SVIL: variants seen among roughly 807,000 people sequenced by gnomAD.
SVIL encodes the protein archvillin.
A neutral mutation model predicts 240.4 loss-of-function variants in SVIL; 101 were observed. The ratio of observed to expected loss-of-function variants is 0.42; its 90% confidence interval spans 0.36 to 0.50. SVIL has a LOEUF of 0.50. Among genes scored for constraint, SVIL ranks in the 20% least tolerant of loss-of-function variants. The pLI, the probability that SVIL is intolerant of heterozygous loss-of-function variation, is 0.01. For synonymous variants in SVIL, 999 were observed against 1,100.0 expected (o/e 0.91, Z 1.82); for missense variants, 2,512 against 2,818.7 (o/e 0.89, Z 2.46).
intron 6 of SVIL, among the ~76,000 whole-genome samples, chr10:29,547,481 G>A (rs4747667): frequency 0.42 from 63,535 of 151,950 alleles, 13,361 homozygotes; most frequent in East Asian, 0.44. Context: ...AGTGCTGTGA[G>A]GCTAAGGCTT....
chr10:29,576,173 A>G (rs1301668531), intron 1 of SVIL: 1 of 956,528 alleles, frequency 1.0e-6, no homozygotes, highest in Non-Finnish European at 1.2e-6. Flanking sequence ...CCAATGGTAA[A>G]TAAGACCTTT....
At chr10:29,586,981 C>T (rs1956195093) in intron 1 of SVIL, among the ~76,000 whole-genome samples, 1 of 152,196 alleles carries the variant, frequency 6.6e-6, no homozygotes. Context: ...ATCTCTACAA[C>T]AAACCCCCAT....
At chr10:29,686,842 G>A (rs984374417) in intron 1 of SVIL, among the ~76,000 whole-genome samples, 2 of 152,108 alleles carry the variant, frequency 1.3e-5, no homozygotes, top group African/African-American at 2.4e-5. Context: ...ACAATTTCTA[G>A]AATCCTCTAG....
At chr10:29,540,325 A>G (rs932560435) in intron 6 of SVIL, among the ~76,000 whole-genome samples, 57 of 152,264 alleles carry the variant, frequency 3.7e-4, no homozygotes, top group African/African-American at 1.3e-3. Context: ...CTCTGGAGAG[A>G]GAGAGACTTC....
intron 1 of SVIL, among the ~76,000 whole-genome samples, chr10:29,592,870 T>C (rs1228561579): frequency 1.3e-5 from 2 of 152,164 alleles, no homozygotes; most frequent in African/African-American, 4.8e-5. Flanking sequence ...TAATGTTCTA[T>C]CTCATTCTTT....
At position 29,463,520 on chromosome 10, in the gene SVIL, C is replaced by T. The variant is rs907938520; in HGVS notation, c.6249G>A (p.Ala2083=). 8.7e-6 allele frequency: 14 copies of T among 1,613,962 alleles called. No individual in the cohort carries two copies. The African/African-American group carries it at 1.2e-4, about 14-fold the overall frequency. The part of the protein sequence containing the change: ...RIRWASDRKS[A]METVLQYCKG... ...TGCAGTACTGGAGCACAGTCTCCAT[C>T]GCACTCTTCCGGTCGGAGGCCCAGC... Residue 2083 remains alanine (A), a synonymous_variant, in exon 35 of 38, where the codon GCG becomes GCA. Coordinates refer to ENST00000355867, the MANE Select transcript of SVIL (RefSeq NM_021738.3).
intron 1 of SVIL, among the ~76,000 whole-genome samples, chr10:29,714,694 T>A (rs1963509051): frequency 6.6e-6 from 1 of 151,940 alleles, no homozygotes; most frequent in Admixed American, 6.6e-5. Flanking sequence ...GCGTGGTGAC[T>A]CATGCCTGTA....
At chr10:29,582,090 TAG>T (rs943805671) in intron 1 of SVIL, among the ~76,000 whole-genome samples, 4 of 152,088 alleles carry the variant, frequency 2.6e-5, no homozygotes, top group Non-Finnish European at 4.4e-5. Flanking sequence ...GTTGAATAGG[TAG>T]AGTTTCCATT....
chr10:29,518,025 G>T lies in SVIL; in HGVS notation c.3389+4385C>A, dbSNP rs552550429. 3.0e-4 allele frequency among the ~76,000 whole-genome samples: 46 copies of T among 152,238 alleles called. 1 individual carries two copies. The South Asian group carries it at 9.5e-3, about 32-fold the overall frequency. On this transcript the variant is annotated intron_variant, in intron 16 of 37. Coordinates refer to ENST00000355867, the MANE Select transcript of SVIL (RefSeq NM_021738.3). ...TTTTACTAATCCGGTGGGAAAAGTC[G>T]ATTGCATCCTAAGTTTTTTGCTGGT... is the stretch of plus-strand genomic sequence containing the variant.
chr10:29,729,965 G>A (rs1465472404), intron 1 of SVIL, among the ~76,000 whole-genome samples: 3 of 151,520 alleles, frequency 2.0e-5, no homozygotes, highest in Non-Finnish European at 4.4e-5. Context: ...GAGGCAGAAG[G>A]ATCACTTGAG....
In SVIL at chr10:29,677,894, C is replaced by A. The variant is rs1004250700; in HGVS notation, c.-301+8659G>T. ...ATGTTCTACCTTCAACTCAAAGAAACTACAATGTTCAAGCAGGAAGCCACC... is the reference window on the plus strand; with the variant it reads ...ATGTTCTACCTTCAACTCAAAGAAAATACAATGTTCAAGCAGGAAGCCACC... On this transcript the variant is annotated intron_variant, in intron 2 of 35. Transcript: ENST00000375400. 2.0e-5 allele frequency among the ~76,000 whole-genome samples: 3 copies of A among 152,132 alleles called. 1 individual carries two copies. The highest frequency in any genetic ancestry group is 2.0e-4 in the Admixed American group (3 of 15,270).
intron 1 of SVIL, among the ~76,000 whole-genome samples, chr10:29,574,125 C>G (rs1332432726): frequency 6.6e-6 from 1 of 152,198 alleles, no homozygotes; most frequent in African/African-American, 2.4e-5. Flanking sequence ...GCTGTGTCCA[C>G]TGAGAAGCAC....
chr10:29,594,273 A>G (rs978245851), intron 1 of SVIL, among the ~76,000 whole-genome samples: 1 of 82,310 alleles, frequency 1.2e-5, no homozygotes, highest in Non-Finnish European at 2.6e-5. Flanking sequence ...ATAAAAAAAA[A>G]TTCTAAGATC....
At chr10:29,629,352 T>A (rs1443129032) in intron 1 of SVIL, among the ~76,000 whole-genome samples, 2 of 152,130 alleles carry the variant, frequency 1.3e-5, no homozygotes, top group Non-Finnish European at 2.9e-5. Flanking sequence ...CTCAGGCACG[T>A]GGCAAAGAAT....
At chr10:29,681,525 C>T (rs1479785210) in intron 2 of SVIL, among the ~76,000 whole-genome samples, 2 of 151,602 alleles carry the variant, frequency 1.3e-5, no homozygotes, top group African/African-American at 4.8e-5. Flanking sequence ...AAATTAACAT[C>T]CTCTTGACTG....
Position 29,474,068 on chromosome 10 carries a change from C to T in SVIL, c.5378-79G>A, listed in dbSNP as rs932794. 0.084 allele frequency: 130,624 copies of T among 1,545,904 alleles called. 6,462 individuals carry two copies. The highest frequency in any genetic ancestry group is 0.21 in the African/African-American group (15,612 of 73,234). On this transcript the variant is annotated intron_variant, in intron 29 of 37. Coordinates refer to ENST00000355867, the MANE Select transcript of SVIL (RefSeq NM_021738.3). ...AAGCAAATGTCTGGCTCACTTTCCC[C>T]GGGCCTGCAAGGACCAGTGGCAAAG...
intron 3 of SVIL, among the ~76,000 whole-genome samples, chr10:29,654,893 G>A (rs11595489): frequency 0.017 from 2,512 of 152,104 alleles, 35 homozygotes; most frequent in Non-Finnish European, 0.028. Flanking sequence ...AAGTGTTGCA[G>A]CTCCAGCAAA....
At chr10:29,714,469 G>T (rs1963495131) in intron 1 of SVIL, among the ~76,000 whole-genome samples, 1 of 152,100 alleles carries the variant, frequency 6.6e-6, no homozygotes, top group African/African-American at 2.4e-5. Flanking sequence ...TAGAAAATAA[G>T]GAGAACAAAG....
chr10:29,651,454 CT>C (rs1318006671), intron 3 of SVIL, among the ~76,000 whole-genome samples: 1 of 152,112 alleles, frequency 6.6e-6, no homozygotes, highest in Non-Finnish European at 1.5e-5. Context: ...CCAATAGATC[CT>C]TCTGTCCTCC....
Sources: gnomAD v4.1 joint callset for allele counts (sites outside exome capture counted in the v4.1 genomes callset) on GRCh38, gnomAD v4.1.1 for gene constraint, MANE v1.5 for transcripts, NCBI Gene and HGNC (gene_info 2026-07-23, HGNC 2026-07-21) for gene names.